APPBP2: variants seen among roughly 807,000 people sequenced by gnomAD.
The protein encoded by APPBP2 is amyloid protein-binding protein 2.
Under a neutral mutation model 76.0 loss-of-function variants are expected in APPBP2, and 15 were observed. The ratio of observed to expected loss-of-function variants is 0.20; its 90% CI spans 0.13 to 0.30. The LOEUF (loss-of-function observed/expected upper bound fraction) is 0.30, where lower values mean the gene tolerates loss of function less well. APPBP2 is among the 10% of genes least tolerant of loss of function. The pLI, the probability that APPBP2 is intolerant of heterozygous loss-of-function variation, is 1.00. For synonymous variants in APPBP2, 222 were observed against 242.2 expected (o/e 0.92, Z 0.77); for missense variants, 401 against 687.2 (o/e 0.58, Z 4.66).
Position 60,479,219 on chromosome 17 carries a change from C to T in APPBP2, c.432G>A (p.Leu144=). 6.2e-7 allele frequency: 1 copy of T among 1,613,698 alleles called. No individual in the cohort carries two copies. The highest frequency in any genetic ancestry group is 8.5e-7 in the Non-Finnish European group (1 of 1,179,820). ...GTAGAGTACACAACTGAAGGCAGGA[C>T]AGAAAAACTTTCTCAGCATCACTGT... ...GWYSDAEKVF[L]SCLQLCTLHD... Residue 144 remains leucine, a synonymous_variant, in exon 4 of 13, where the codon CTG becomes CTA. Transcript: ENST00000083182.
intron 10 of APPBP2, among the ~76,000 whole-genome samples, chr17:60,454,818 G>C (rs1399512091): frequency 6.6e-6 from 1 of 152,186 alleles, no homozygotes; most frequent in Non-Finnish European, 1.5e-5. Context: ...CACAAGGCAA[G>C]TTTTTTAAAG....
intron 3 of APPBP2, among the ~76,000 whole-genome samples, chr17:60,493,633 C>CTTTTTT (rs150636419): frequency 7.1e-6 from 1 of 141,696 alleles, no homozygotes; most frequent in Non-Finnish European, 1.5e-5. Flanking sequence ...CATGCCCAGC[C>CTTTTTT]TTTTTTTTTT....
intron 1 of APPBP2, among the ~76,000 whole-genome samples, chr17:60,524,866 C>A (rs948432675): frequency 2.6e-5 from 4 of 152,198 alleles, no homozygotes; most frequent in Non-Finnish European, 5.9e-5. Flanking sequence ...GGATTCAAGA[C>A]AAGGAAGACT....
rs556095037 is a variant in APPBP2, at chr17:60,475,996, A to C, written c.503+3152T>G. Among the ~76,000 whole-genome samples the C allele has an allele frequency of 4.6e-5, 7 of 152,270 alleles. No individual in the cohort carries two copies. In the South Asian group the frequency reaches 1.4e-3, roughly 32 times the overall value. ...ATTTTAAGTTTGTCATCCCCCAAAA[A>C]CAAGCCAGTTCAGTAACTGTAGTTA... On this transcript the variant is annotated intron_variant, in intron 4 of 12. Coordinates refer to ENST00000083182, the MANE Select transcript of APPBP2 (RefSeq NM_006380.5).
chr17:60,500,436 C>T lies in APPBP2; in HGVS notation c.190G>A (p.Glu64Lys). The change falls in exon 2 of 13, where the codon GAA (glutamate) becomes AAA (lysine). Residue 64 changes from glutamate to lysine, a missense_variant. This residue lies in a region of APPBP2 where 149 missense variants were observed against 198.4 expected (regional missense o/e 0.75). Transcript: ENST00000083182. ...GCTCTCAGTACTTTAGCAAAAACTT[C>T]CAATTCACAAAATTCACTGCCCAGT... ...CQLGSEFCEL[E>K]VFAKVLRALD... 6.2e-7 allele frequency: 1 copy of T among 1,611,174 alleles called. No individual in the cohort carries two copies. The highest frequency in any genetic ancestry group is 8.5e-7 in the Non-Finnish European group (1 of 1,178,820).
chr17:60,462,073 G>T lies in APPBP2; in HGVS notation c.763-12C>A. Reference sequence around the variant, plus strand: ...TTTACTACACAAGCCTAAAGATAAAGTGAAAAATGGTTAACTCTCAAACAG... The same window carrying T: ...TTTACTACACAAGCCTAAAGATAAATTGAAAAATGGTTAACTCTCAAACAG... On this transcript the variant is annotated splice_polypyrimidine_tract_variant and intron_variant, in intron 6 of 12. Transcript: ENST00000083182. The T allele has an allele frequency of 1.2e-6, 2 of 1,602,472 alleles. No individual in the cohort carries two copies. The highest frequency in any genetic ancestry group is 2.2e-5 in the South Asian group (2 of 90,796).
chr17:60,483,514 C>T lies in APPBP2; in HGVS notation c.380-4243G>A, dbSNP rs531347255. On this transcript the variant is annotated intron_variant, in intron 3 of 12. Transcript: ENST00000083182. ...GTTCACGCCATTCTCCTGCCTGAGC[C>T]TCCCAAATAGCTGGGACTATAGGCG... Among the ~76,000 whole-genome samples, 4 of 152,232 alleles carry T rather than the reference C, an allele frequency of 2.6e-5. No individual in the cohort carries two copies. The East Asian group carries it at 7.7e-4, about 29-fold the overall frequency.
At chr17:60,474,682 AGGTTTGACGT>A (rs1486303878) in intron 4 of APPBP2, among the ~76,000 whole-genome samples, 1 of 152,220 alleles carries the variant, frequency 6.6e-6, no homozygotes, top group Non-Finnish European at 1.5e-5. Context: ...AACCTGTAAT[AGGTTTGACGT>A]GGTAAATTTT....
intron 5 of APPBP2, among the ~76,000 whole-genome samples, chr17:60,465,836 C>T (rs2090507023): frequency 6.6e-6 from 1 of 152,062 alleles, no homozygotes; most frequent in Non-Finnish European, 1.5e-5. Context: ...CTCCTTTTGC[C>T]TGATTTTTTA....
intron 3 of APPBP2, among the ~76,000 whole-genome samples, chr17:60,494,131 A>T (rs1302058329): frequency 6.6e-6 from 1 of 152,212 alleles, no homozygotes; most frequent in Non-Finnish European, 1.5e-5. Flanking sequence ...GACATGGTAG[A>T]AAAACACATA....
intron 4 of APPBP2, among the ~76,000 whole-genome samples, chr17:60,469,896 G>C (rs2090539419): frequency 6.6e-6 from 1 of 152,156 alleles, no homozygotes; most frequent in South Asian, 2.1e-4. Flanking sequence ...TATACTTGGA[G>C]TGAAATTGCT....
chr17:60,497,510 AAC>A (rs1458382807), intron 2 of APPBP2, among the ~76,000 whole-genome samples: 1 of 152,222 alleles, frequency 6.6e-6, no homozygotes, highest in African/African-American at 2.4e-5. Flanking sequence ...GATTGTCTGT[AAC>A]ACAAAGAATA....
chr17:60,477,343 CA>C (rs1266081876), intron 4 of APPBP2: 1 of 152,006 alleles, frequency 6.6e-6, no homozygotes, highest in Non-Finnish European at 1.5e-5. Flanking sequence ...AAAGCACATA[CA>C]AAAAAGAAAG....
chr17:60,501,614 T>C (rs559946179), intron 1 of APPBP2, among the ~76,000 whole-genome samples: 1 of 152,204 alleles, frequency 6.6e-6, no homozygotes, highest in Non-Finnish European at 1.5e-5. Flanking sequence ...GCCAGGCTGG[T>C]CTTGAACTCC....
chr17:60,466,749 C>T (rs773262514), intron 4 of APPBP2, among the ~76,000 whole-genome samples: 2 of 152,024 alleles, frequency 1.3e-5, no homozygotes, highest in Non-Finnish European at 2.9e-5. Flanking sequence ...GACATTTAAT[C>T]TTTTTGTTCC....
At chr17:60,507,971 CCTT>C (rs1281910905) in intron 1 of APPBP2, among the ~76,000 whole-genome samples, 10 of 151,280 alleles carry the variant, frequency 6.6e-5, no homozygotes, top group Admixed American at 1.3e-4. Flanking sequence ...TCTTTTTTTT[CCTT>C]CTTTTTTTTT....
At chr17:60,493,186 C>T (rs1419891462) in intron 3 of APPBP2, among the ~76,000 whole-genome samples, 1 of 152,186 alleles carries the variant, frequency 6.6e-6, no homozygotes, top group Non-Finnish European at 1.5e-5. Flanking sequence ...AACTATAAGT[C>T]CATTAAACCT....
intron 2 of APPBP2, among the ~76,000 whole-genome samples, chr17:60,495,439 ATTATTTAT>A (rs57497934): frequency 0.41 from 55,150 of 136,160 alleles, 10,794 homozygotes; most frequent in South Asian, 0.48. Context: ...TTATTTATTT[ATTATTTAT>A]TTATTTATTT....
chr17:60,525,763 G>A (rs775578710), intron 1 of APPBP2, 31 bp downstream of exon 1: 35 of 1,612,940 alleles, frequency 2.2e-5, no homozygotes, highest in Admixed American at 1.3e-4. Flanking sequence ...GGTTGCTGGA[G>A]GAGAGCAGAG....
Sources: allele counts gnomAD v4.1 joint callset (sites outside exome capture counted in the v4.1 genomes callset), GRCh38; gene constraint gnomAD v4.1.1; regional missense constraint gnomAD v4.1.1; transcripts MANE v1.5; gene names NCBI Gene and HGNC (gene_info 2026-07-23, HGNC 2026-07-21).